Variants in CDKN1B observed in about 807,000 individuals in gnomAD.
CDKN1B encodes the protein cyclin dependent kinase inhibitor 1B, also known as cyclin-dependent kinase inhibitor 1B.
A neutral mutation model predicts 17.1 loss-of-function variants in CDKN1B; 7 were observed. The ratio of observed to expected loss-of-function variants is 0.41; its 90% confidence interval spans 0.23 to 0.77. The LOEUF (loss-of-function observed/expected upper bound fraction) is 0.77, where lower values mean the gene tolerates loss of function less well. Ranked by LOEUF, CDKN1B falls within the 30% of genes least tolerant of loss-of-function variation. CDKN1B has a pLI of 0.33. For missense variants in CDKN1B, 337 were observed against 262.0 expected (o/e 1.29, Z -1.98); for synonymous variants, 149 against 104.3 (o/e 1.43, Z -2.61).
rs529949605 is a variant in CDKN1B at position 12,718,878 on chromosome 12, G to C, written c.529G>C (p.Gly177Arg). 6.2e-7 allele frequency: 1 copy of C among 1,614,092 alleles called. No homozygotes were observed. Among genetic ancestry groups the C allele is most frequent in the East Asian group, 2.2e-5 (1 of 44,882 alleles). ...ANRTEENVSD[G>R]SPNAGSVEQT... is the part of the protein sequence containing the mutation. ...CAGAACAGAAGAAAATGTTTCAGAC[G>C]GTTCCCCAAATGCCGGTTCTGTGGA... Residue 177 changes from glycine (G) to arginine (R), a missense_variant, in exon 2 of 3, where the codon GGT (glycine) becomes CGT (arginine). Physicochemically the swap from Gly to Arg is moderately radical, Grantham distance 125. Coordinates refer to ENST00000228872, the MANE Select transcript of CDKN1B (RefSeq NM_004064.5).
Position 12,718,131 on chromosome 12 carries a change from G to C in CDKN1B, c.292G>C (p.Ala98Pro), listed in dbSNP as rs749183658. 1 of 1,614,144 alleles carries C rather than the reference G, an allele frequency of 6.2e-7. No homozygotes were observed. The highest frequency in any genetic ancestry group is 1.7e-5 in the Admixed American group (1 of 60,024). Residue 98 changes from alanine (A) to proline (P), a missense_variant, in exon 1 of 3, where the codon GCC becomes CCC. Physicochemically the swap from Ala to Pro is conservative, Grantham distance 27 (BLOSUM62 -1). Coordinates refer to ENST00000228872, the MANE Select transcript of CDKN1B (RefSeq NM_004064.5). ...CAGACCCCCGCGGCCCCCCAAAGGTGCCTGCAAGGTGCCGGCGCAGGAGAG... is the reference window on the plus strand; with the variant it reads ...CAGACCCCCGCGGCCCCCCAAAGGTCCCTGCAAGGTGCCGGCGCAGGAGAG... ...YYRPPRPPKG[A>P]CKVPAQESQD... is the part of the protein sequence containing the mutation.
rs191612087 is a variant in CDKN1B at position 12,718,810 on chromosome 12, T to C, written c.476-15T>C. On this transcript the variant is annotated splice_polypyrimidine_tract_variant and intron_variant, in intron 1 of 2. Coordinates refer to ENST00000228872, the MANE Select transcript of CDKN1B (RefSeq NM_004064.5). ...AAGATTGTGTGTTCTTTTTAAAAAT[T>C]TCCCCTGCGCTTAGATTCTTCTACT... 3.5e-5 allele frequency: 56 copies of C among 1,613,978 alleles called. No individual in the cohort carries two copies. In the East Asian group the frequency reaches 1.2e-3, roughly 34 times the overall value.
chr12:12,718,339 A>T, intron 1 of CDKN1B, 25 bp downstream of exon 1: 1 of 1,590,900 alleles, frequency 6.3e-7, no homozygotes, highest in Non-Finnish European at 8.5e-7. Context: ...CCAACCATAG[A>T]ATGTGTTTGG....
intron 1 of CDKN1B, 144 bp from the exon 2 acceptor site, chr12:12,718,681 A>C: frequency 2.1e-6 from 2 of 971,116 alleles, no homozygotes; most frequent in Non-Finnish European, 3.2e-6. Context: ...TTGTGCCCTT[A>C]AAAGCCACTG....
rs1565421188 is a variant in CDKN1B, at chr12:12,722,078, C to G, written c.*1051C>G. ...ATTTCATTGCCTGTGTATGGAAAAA[C>G]CATTTGAAGTGTACCTGTGTACATA... On this transcript the variant is annotated 3_prime_UTR_variant, in exon 3 of 3. Transcript: ENST00000228872. 6.6e-6 allele frequency: 1 copy of G among 152,178 alleles called. No homozygotes were observed. The highest frequency in any genetic ancestry group is 1.5e-5 in the Non-Finnish European group (1 of 68,014). 9.4% of individuals were successfully genotyped at this position (152,178 alleles called of 1,614,324 possible).
Position 12,721,086 on chromosome 12 carries a change from C to T in CDKN1B, c.*59C>T, listed in dbSNP as rs1946536733. On this transcript the variant is annotated 3_prime_UTR_variant, in exon 3 of 3. Coordinates refer to ENST00000228872, the MANE Select transcript of CDKN1B (RefSeq NM_004064.5). Reference sequence around the variant, plus strand: ...TCAGATACATCACTGCTTGATGAAGCAAGGAAGATATACATGAAAATTTTA... The same window carrying T: ...TCAGATACATCACTGCTTGATGAAGTAAGGAAGATATACATGAAAATTTTA... The T allele has an allele frequency of 1.3e-6, 1 of 766,290 alleles. No individual in the cohort carries two copies. Among genetic ancestry groups the T allele is most frequent in the Admixed American group, 1.8e-5 (1 of 56,858 alleles). 47.5% of individuals were successfully genotyped at this position (766,290 alleles called of 1,614,324 possible). A position where few individuals can be genotyped will look rare whatever the true frequency, so the allele number is the denominator to read the frequency against.
intron 2 of CDKN1B, chr12:12,719,209 G>T: frequency 2.1e-6 from 1 of 474,678 alleles, no homozygotes; most frequent in Non-Finnish European, 3.8e-6. Flanking sequence ...GGGTAGGAAG[G>T]TCGTTTCCCT....
Position 12,717,809 on chromosome 12 carries a change from A to G in CDKN1B, c.-31A>G, listed in dbSNP as rs972365866. ...TCGGTTTTGTTTTTTTGAGAGTGCGAGAGAGGCGGTCGTGCAGACCCGGGA... is the reference window on the plus strand; with the variant it reads ...TCGGTTTTGTTTTTTTGAGAGTGCGGGAGAGGCGGTCGTGCAGACCCGGGA... On this transcript the variant is annotated 5_prime_UTR_variant, in exon 1 of 3. Transcript: ENST00000228872. 1.2e-6 allele frequency: 2 copies of G among 1,607,750 alleles called. No individual in the cohort carries two copies. Among genetic ancestry groups the G allele is most frequent in the Admixed American group, 1.7e-5 (1 of 59,914 alleles).
chr12:12,719,200 G>C, intron 2 of CDKN1B: 1 of 489,802 alleles, frequency 2.0e-6, no homozygotes, highest in Non-Finnish European at 3.7e-6. Context: ...GGCCCCATCG[G>C]GTAGGAAGGT....
chr12:12,719,082 A>G, intron 2 of CDKN1B, 128 bp downstream of exon 2: 1 of 1,173,186 alleles, frequency 8.5e-7, no homozygotes, highest in Non-Finnish European at 1.2e-6. Context: ...TCGTGAGGTC[A>G]AAAAAGTAGC....
At position 12,717,929 on chromosome 12, in the gene CDKN1B, G is replaced by C; in HGVS notation, c.90G>C (p.Arg30Ser). 3 of 1,614,230 alleles carry C rather than the reference G, an allele frequency of 1.9e-6. No homozygotes were observed. The highest frequency in any genetic ancestry group is 2.5e-6 in the Non-Finnish European group (3 of 1,180,036). Residue 30 changes from arginine (R) to serine (S), a missense_variant, in exon 1 of 3, where the codon AGG becomes AGC. Arg to Ser is a moderately radical substitution (Grantham distance 110). Coordinates refer to ENST00000228872, the MANE Select transcript of CDKN1B (RefSeq NM_004064.5). Reference sequence around the variant, plus strand: ...AGCACCCCAAGCCCTCGGCCTGCAGGAACCTCTTCGGCCCGGTGGACCACG... The same window carrying C: ...AGCACCCCAAGCCCTCGGCCTGCAGCAACCTCTTCGGCCCGGTGGACCACG... The part of the protein sequence containing the change: ...QAEHPKPSAC[R>S]NLFGPVDHEE...
chr12:12,719,581 T>TA (rs1308303497), intron 2 of CDKN1B: 1 of 152,526 alleles, frequency 6.6e-6, no homozygotes, highest in African/African-American at 2.4e-5. Flanking sequence ...AAAAAGTTAC[T>TA]AAAGTTTCTA....
At chr12:12,718,489 A>G (rs563014877) in intron 1 of CDKN1B, among the ~76,000 whole-genome samples, 175 bp downstream of exon 1, 5 of 152,276 alleles carry the variant, frequency 3.3e-5, no homozygotes, top group Admixed American at 3.3e-4. Flanking sequence ...GTGACTTTTA[A>G]GTCAGAAACT....
rs751762865 is a variant in CDKN1B at position 12,721,196 on chromosome 12, ACT to A, written c.*172_*173del. The A allele has an allele frequency of 5.2e-6, 4 of 765,140 alleles. No homozygotes were observed. The highest frequency in any genetic ancestry group is 9.7e-6 in the Non-Finnish European group (4 of 412,616). The allele number at this position is 765,140 out of a possible 1,614,324, so 47.4% of individuals were successfully genotyped here. A position where few individuals can be genotyped will look rare whatever the true frequency, so the allele number is the denominator to read the frequency against. ...ACACAATAACACTAAAATTTTAGGCACTCTTAAATGATCTGCCTCTAAAAGCG... is the reference window on the plus strand; with the variant it reads ...ACACAATAACACTAAAATTTTAGGCACTTAAATGATCTGCCTCTAAAAGCG... On this transcript the variant is annotated 3_prime_UTR_variant, in exon 3 of 3. Transcript: ENST00000228872.
At position 12,717,566 on chromosome 12, in the gene CDKN1B, ACCCTCTCCGCTTGCCTGGTC is replaced by A. The variant is rs1473000886; in HGVS notation, c.-265_-246del. ...CGCCCAGACTCGGACGGGCTTTGCC[ACCCTCTCCGCTTGCCTGGTC>A]CCCTCTCCTCTCCGCCCTCCCGCTC... On this transcript the variant is annotated 5_prime_UTR_variant, in exon 1 of 3. Transcript: ENST00000228872. 26 of 1,412,788 alleles carry A rather than the reference ACCCTCTCCGCTTGCCTGGTC, an allele frequency of 1.8e-5. No individual in the cohort carries two copies. The highest frequency in any genetic ancestry group is 4.3e-5 in the African/African-American group (3 of 69,078). The allele number at this position is 1,412,788 out of a possible 1,614,324, so 87.5% of individuals were successfully genotyped here.
intron 1 of CDKN1B, 139 bp downstream of exon 1, chr12:12,718,453 C>A: frequency 1.3e-6 from 1 of 766,298 alleles, no homozygotes; most frequent in Admixed American, 2.3e-5. Context: ...GTGTTCAGTG[C>A]TACCTGGCCC....
In CDKN1B at chr12:12,717,938, C is replaced by T. The variant is rs201349921; in HGVS notation, c.99C>T (p.Phe33=). The T allele has an allele frequency of 5.6e-6, 9 of 1,614,216 alleles. No individual in the cohort carries two copies. In the South Asian group the frequency reaches 6.6e-5, roughly 12 times the overall value. Residue 33 remains phenylalanine, a synonymous_variant, in exon 1 of 3, where the codon TTC becomes TTT. Coordinates refer to ENST00000228872, the MANE Select transcript of CDKN1B (RefSeq NM_004064.5). Reference sequence around the variant, plus strand: ...AGCCCTCGGCCTGCAGGAACCTCTTCGGCCCGGTGGACCACGAAGAGTTAA... The same window carrying T: ...AGCCCTCGGCCTGCAGGAACCTCTTTGGCCCGGTGGACCACGAAGAGTTAA... ...HPKPSACRNL[F]GPVDHEELTR...
At position 12,717,456 on chromosome 12, in the gene CDKN1B, G is replaced by C; in HGVS notation, c.-384G>C. 1 of 1,308,424 alleles carries C rather than the reference G, an allele frequency of 7.6e-7. No homozygotes were observed. Among genetic ancestry groups the C allele is most frequent in the South Asian group, 1.7e-5 (1 of 57,984 alleles). 81.1% of individuals were successfully genotyped at this position (1,308,424 alleles called of 1,614,324 possible). On this transcript the variant is annotated 5_prime_UTR_variant, in exon 1 of 3. Transcript: ENST00000228872. ...CGGGGTGTTTTTCTCCCCCTCCCCT[G>C]TCCCCGCTTGCTCACGGCTCTGCGA...
At position 12,718,224 on chromosome 12, in the gene CDKN1B, C is replaced by CATTTGGTGGACCCAAAGACTG. The variant is rs1946497480; in HGVS notation, c.388_408dup (p.Leu130_Asp136dup). On this transcript the variant is annotated inframe_insertion, in exon 1 of 3. Coordinates refer to ENST00000228872, the MANE Select transcript of CDKN1B (RefSeq NM_004064.5). ...GGCTCCGGCTAACTCTGAGGACACGCATTTGGTGGACCCAAAGACTGATCC... is the reference window on the plus strand; with the variant it reads ...GGCTCCGGCTAACTCTGAGGACACGCATTTGGTGGACCCAAAGACTGATTTGGTGGACCCAAAGACTGATCC... 6.2e-7 allele frequency: 1 copy of CATTTGGTGGACCCAAAGACTG among 1,611,812 alleles called. No homozygotes were observed. Among genetic ancestry groups the CATTTGGTGGACCCAAAGACTG allele is most frequent in the African/African-American group, 1.3e-5 (1 of 74,900 alleles).
Sources: gnomAD v4.1 joint callset for allele counts (sites outside exome capture counted in the v4.1 genomes callset) on GRCh38, gnomAD v4.1.1 for gene constraint, MANE v1.5 for transcripts, NCBI Gene and HGNC (gene_info 2026-07-23, HGNC 2026-07-21) for gene names.